The following CACNA2D3 variants were observed in gnomAD, a reference collection of about 807,000 sequenced individuals.
CACNA2D3 encodes voltage-dependent calcium channel subunit alpha-2/delta-3.
In CACNA2D3, 60 loss-of-function variants were observed where a neutral mutation model predicts 160.6. That is an observed-to-expected ratio of 0.37 (90% confidence interval 0.30 to 0.46). The LOEUF (loss-of-function observed/expected upper bound fraction) is 0.46, where lower values mean the gene tolerates loss of function less well. CACNA2D3 is among the 20% of genes least tolerant of loss of function. The pLI is 1.00. For synonymous variants in CACNA2D3, 558 were observed against 492.9 expected (o/e 1.13, Z -1.75); for missense variants, 1,205 against 1,365.0 (o/e 0.88, Z 1.85).
intron 34 of CACNA2D3, among the ~76,000 whole-genome samples, chr3:55,010,508 G>C (rs1703186926): frequency 6.6e-6 from 1 of 152,138 alleles, no homozygotes; most frequent in South Asian, 2.1e-4. Flanking sequence ...ATGAACGCTG[G>C]CTCCAGCAGT....
chr3:54,376,719 A>T (rs926658815), intron 3 of CACNA2D3, among the ~76,000 whole-genome samples: 5 of 152,312 alleles, frequency 3.3e-5, no homozygotes, highest in East Asian at 1.9e-4. Context: ...GCAGCAAGAT[A>T]ACATTAGTGG....
chr3:55,056,410 A>T (rs1202485264), intron 35 of CACNA2D3, among the ~76,000 whole-genome samples: 1 of 152,166 alleles, frequency 6.6e-6, no homozygotes, highest in Non-Finnish European at 1.5e-5. Context: ...TTCCTTAAAA[A>T]CTAAAAATAG....
intron 4 of CACNA2D3, among the ~76,000 whole-genome samples, chr3:54,491,273 G>T (rs144671340): frequency 1.3e-4 from 20 of 152,306 alleles, no homozygotes; most frequent in African/African-American, 4.6e-4. Context: ...TCTACAGCAT[G>T]CACACAGGAA....
chr3:54,957,983 A>G (rs1247913788), intron 27 of CACNA2D3, among the ~76,000 whole-genome samples: 1 of 152,142 alleles, frequency 6.6e-6, no homozygotes, highest in Non-Finnish European at 1.5e-5. Context: ...ATGTCTGGAG[A>G]GAGCAAACTC....
chr3:54,850,524 G>A (rs1699035336), intron 17 of CACNA2D3, among the ~76,000 whole-genome samples: 1 of 152,146 alleles, frequency 6.6e-6, no homozygotes, highest in East Asian at 1.9e-4. Context: ...AGAATGTGGA[G>A]CCCTGAATAG....
At chr3:54,523,680 A>G (rs1035387020) in intron 5 of CACNA2D3, among the ~76,000 whole-genome samples, 1 of 152,098 alleles carries the variant, frequency 6.6e-6, no homozygotes, top group African/African-American at 2.4e-5. Context: ...TAATAATTCA[A>G]TCCCTTTACT....
rs559884586 is a variant in CACNA2D3 at position 54,719,087 on chromosome 3, A to G, written c.1168-33512A>G. On this transcript the variant is annotated intron_variant, in intron 11 of 37. Coordinates refer to ENST00000474759, the MANE Select transcript of CACNA2D3 (RefSeq NM_018398.3). Reference sequence around the variant, plus strand: ...GTGTATATAATCATATTGTGTTTGAATAGTGTCTGCTATATTTCTACTTTC... The same window carrying G: ...GTGTATATAATCATATTGTGTTTGAGTAGTGTCTGCTATATTTCTACTTTC... Among the ~76,000 whole-genome samples, 296 of 151,262 alleles carry G rather than the reference A, an allele frequency of 2.0e-3. 1 individual carries two copies. Among genetic ancestry groups the G allele is most frequent in the Middle Eastern group, 0.01 (3 of 286 alleles).
At chr3:54,659,043 G>T (rs1225176939) in intron 11 of CACNA2D3, among the ~76,000 whole-genome samples, 1 of 152,050 alleles carries the variant, frequency 6.6e-6, no homozygotes, top group African/African-American at 2.4e-5. Context: ...CTTTTGCTTA[G>T]GTACTACTTT....
At chr3:54,539,962 G>A (rs1365464920) in intron 5 of CACNA2D3, among the ~76,000 whole-genome samples, 1 of 152,196 alleles carries the variant, frequency 6.6e-6, no homozygotes, top group Non-Finnish European at 1.5e-5. Flanking sequence ...AGAAAAATAG[G>A]TGAGCCTGGA....
intron 12 of CACNA2D3, among the ~76,000 whole-genome samples, chr3:54,756,246 C>G (rs192813502): frequency 6.6e-6 from 1 of 152,152 alleles, no homozygotes; most frequent in Non-Finnish European, 1.5e-5. Context: ...TTGATCGTTT[C>G]ATCTTCCTCA....
At chr3:54,243,905 C>A (rs1326657218) in intron 2 of CACNA2D3, among the ~76,000 whole-genome samples, 2 of 152,224 alleles carry the variant, frequency 1.3e-5, no homozygotes, top group African/African-American at 4.8e-5. Flanking sequence ...AATTAGAATG[C>A]ATCTGCAGAC....
At chr3:54,498,281 A>G (rs189166764) in intron 4 of CACNA2D3, among the ~76,000 whole-genome samples, 75 of 151,908 alleles carry the variant, frequency 4.9e-4, no homozygotes, top group African/African-American at 1.3e-3. Context: ...AGGGCCAGTT[A>G]TATTTTGTAT....
intron 12 of CACNA2D3, among the ~76,000 whole-genome samples, chr3:54,753,912 A>C (rs878885865): frequency 6.6e-6 from 1 of 152,218 alleles, no homozygotes; most frequent in South Asian, 2.1e-4. Context: ...GCAATTTTCA[A>C]GTATATAACA....
chr3:54,182,036 G>T (rs150169328), intron 2 of CACNA2D3, among the ~76,000 whole-genome samples: 15 of 152,186 alleles, frequency 9.9e-5, no homozygotes, highest in African/African-American at 3.6e-4. Context: ...ACACCCTTCT[G>T]TAAATGTATT....
intron 3 of CACNA2D3, among the ~76,000 whole-genome samples, chr3:54,368,063 A>G (rs1484288481): frequency 6.6e-6 from 1 of 152,222 alleles, no homozygotes; most frequent in East Asian, 1.9e-4. Flanking sequence ...TTAATGAAGT[A>G]TTGGTAAATG....
At chr3:54,141,089 G>A (rs933450634) in intron 2 of CACNA2D3, among the ~76,000 whole-genome samples, 2 of 113,960 alleles carry the variant, frequency 1.8e-5, no homozygotes, top group Non-Finnish European at 3.7e-5. Flanking sequence ...GTGTGTGTGC[G>A]CGCGCGCGCG....
chr3:54,737,324 C>G (rs1273021190), intron 11 of CACNA2D3, among the ~76,000 whole-genome samples: 3 of 151,740 alleles, frequency 2.0e-5, no homozygotes, highest in Non-Finnish European at 4.4e-5. Context: ...AAAAGGGGGA[C>G]TTATGATAGA....
chr3:54,852,842 T>C (rs1179261691), intron 17 of CACNA2D3, among the ~76,000 whole-genome samples: 1 of 152,184 alleles, frequency 6.6e-6, no homozygotes, highest in Non-Finnish European at 1.5e-5. Context: ...TCAGTTTAAA[T>C]AAGGGTTTAA....
intron 11 of CACNA2D3, among the ~76,000 whole-genome samples, chr3:54,660,407 G>T (rs991005282): frequency 1.3e-5 from 2 of 152,060 alleles, no homozygotes; most frequent in Admixed American, 6.6e-5. Context: ...TGATCCACCC[G>T]CCTCGGCCTC....
Sources: gnomAD v4.1 joint callset for allele counts (sites outside exome capture counted in the v4.1 genomes callset) on GRCh38, gnomAD v4.1.1 for gene constraint, MANE v1.5 for transcripts, NCBI Gene and HGNC (gene_info 2026-07-23, HGNC 2026-07-21) for gene names.